Variants in ITFG1 observed in about 807,000 individuals in gnomAD.
ITFG1 encodes integrin alpha FG-GAP repeat containing 1.
In ITFG1, 34 loss-of-function variants were observed where a neutral mutation model predicts 81.8. The ratio of observed to expected loss-of-function variants is 0.42; its 90% CI spans 0.32 to 0.55. ITFG1 has a LOEUF of 0.55. ITFG1 is among the 20% of genes least tolerant of loss of function. The pLI, the probability that ITFG1 is intolerant of heterozygous loss-of-function variation, is 0.17. For missense variants in ITFG1, 672 were observed against 755.4 expected (o/e 0.89, Z 1.29); for synonymous variants, 285 against 270.6 (o/e 1.05, Z -0.52).
chr16:47,375,422 A>C (rs1043219602), intron 7 of ITFG1, among the ~76,000 whole-genome samples: 3 of 151,942 alleles, frequency 2.0e-5, no homozygotes, highest in Admixed American at 6.6e-5. Flanking sequence ...AAAAAAAAAA[A>C]CCCTATTGGG....
At chr16:47,254,366 C>G (rs976694404) in intron 12 of ITFG1, among the ~76,000 whole-genome samples, 1 of 151,986 alleles carries the variant, frequency 6.6e-6, no homozygotes, top group African/African-American at 2.4e-5. Context: ...TGAGAACTGC[C>G]TACTCTCTTT....
chr16:47,444,976 A>ACGT (rs1969304682), intron 5 of ITFG1, among the ~76,000 whole-genome samples: 1 of 152,054 alleles, frequency 6.6e-6, no homozygotes, highest in Non-Finnish European at 1.5e-5. Flanking sequence ...TCACGTAATG[A>ACGT]AATGGCAAAG....
At chr16:47,445,646 C>T (rs1419931699) in intron 5 of ITFG1, among the ~76,000 whole-genome samples, 1 of 152,198 alleles carries the variant, frequency 6.6e-6, no homozygotes, top group Non-Finnish European at 1.5e-5. Context: ...ACTAACTCCA[C>T]TTAATCTTAG....
chr16:47,184,771 C>T (rs1965187107), intron 14 of ITFG1, among the ~76,000 whole-genome samples: 1 of 151,966 alleles, frequency 6.6e-6, no homozygotes, highest in African/African-American at 2.4e-5. Flanking sequence ...CAAATTCACA[C>T]ATAACAATAT....
At chr16:47,438,595 T>C (rs1490347697) in intron 5 of ITFG1, among the ~76,000 whole-genome samples, 2 of 152,136 alleles carry the variant, frequency 1.3e-5, no homozygotes, top group Non-Finnish European at 2.9e-5. Context: ...GGACCTCTAG[T>C]AAATTCCAAC....
At position 47,387,089 on chromosome 16, in the gene ITFG1, G is replaced by A. The variant is rs540614308; in HGVS notation, c.656-11149C>T. Among the ~76,000 whole-genome samples the A allele has an allele frequency of 3.9e-5, 6 of 152,226 alleles. No homozygotes were observed. In the South Asian group the frequency reaches 1.0e-3, roughly 26 times the overall value. On this transcript the variant is annotated intron_variant, in intron 6 of 17. Transcript: ENST00000320640. ...ACCATGGAGCAATTTATGACCCAAG[G>A]TATTGTCAAAAATAGAGCAATCAGC...
chr16:47,326,646 G>A (rs986044834), intron 8 of ITFG1, among the ~76,000 whole-genome samples: 5 of 152,114 alleles, frequency 3.3e-5, no homozygotes, highest in African/African-American at 9.7e-5. Context: ...CAAAATCAAT[G>A]TGCAAAAATC....
intron 14 of ITFG1, among the ~76,000 whole-genome samples, chr16:47,194,749 G>T: frequency 6.6e-6 from 1 of 152,120 alleles, no homozygotes; most frequent in Admixed American, 6.5e-5. Flanking sequence ...CGGGATATAT[G>T]TGCAGAATGT....
At chr16:47,199,556 C>T (rs754371185) in intron 14 of ITFG1, among the ~76,000 whole-genome samples, 107 of 152,086 alleles carry the variant, frequency 7.0e-4, no homozygotes, top group Non-Finnish European at 1.3e-3. Context: ...GGATTTAGTA[C>T]AGTAACATGC....
chr16:47,360,099 G>T (rs896540037), intron 8 of ITFG1, among the ~76,000 whole-genome samples: 7 of 152,116 alleles, frequency 4.6e-5, no homozygotes, highest in Non-Finnish European at 1.5e-5. Flanking sequence ...AAACAGAAAG[G>T]CAACTAAATG....
rs1050003904 is a variant in ITFG1, at chr16:47,187,362, T to A, written c.1454-24698A>T. On this transcript the variant is annotated intron_variant, in intron 14 of 17. Coordinates refer to ENST00000320640, the MANE Select transcript of ITFG1 (RefSeq NM_030790.5). ...CATCATGCTACCTGACTTCAAACTA[T>A]ACTACAAGGCTACAGTAACCAAAAC... 2.1e-3 allele frequency among the ~76,000 whole-genome samples: 317 copies of A among 151,850 alleles called. 11 individuals carry two copies. The highest frequency in any genetic ancestry group is 0.017 in the Admixed American group (261 of 15,266).
At chr16:47,347,308 T>C (rs1484472615) in intron 8 of ITFG1, among the ~76,000 whole-genome samples, 1 of 152,238 alleles carries the variant, frequency 6.6e-6, no homozygotes, top group African/African-American at 2.4e-5. Flanking sequence ...AGCAAAGCTG[T>C]GACAGATGGC....
chr16:47,366,658 G>C (rs916415827), intron 7 of ITFG1, among the ~76,000 whole-genome samples: 5 of 152,240 alleles, frequency 3.3e-5, no homozygotes, highest in African/African-American at 1.2e-4. Context: ...GAAATTCTGA[G>C]CTCTCAGGTT....
At chr16:47,239,153 CAAGAACTGCGAGCAATAAA>C in intron 12 of ITFG1, among the ~76,000 whole-genome samples, 1 of 151,924 alleles carries the variant, frequency 6.6e-6, no homozygotes, top group Non-Finnish European at 1.5e-5. Flanking sequence ...TTCCCAGCCT[CAAGAACTGCGAGCAATAAA>C]TTTCTGTTGT....
chr16:47,410,881 G>T (rs1432965775), intron 6 of ITFG1, among the ~76,000 whole-genome samples: 2 of 152,150 alleles, frequency 1.3e-5, no homozygotes, highest in African/African-American at 2.4e-5. Flanking sequence ...ATTCCCCAAG[G>T]CTCTCCATCT....
At chr16:47,389,871 T>C (rs1018237706) in intron 6 of ITFG1, among the ~76,000 whole-genome samples, 10 of 151,722 alleles carry the variant, frequency 6.6e-5, no homozygotes, top group African/African-American at 2.2e-4. Context: ...AACGTAGGAG[T>C]AGAGGACCAA....
chr16:47,301,409 CT>C (rs1013125084), intron 10 of ITFG1, among the ~76,000 whole-genome samples: 186 of 143,974 alleles, frequency 1.3e-3, no homozygotes, highest in Non-Finnish European at 1.3e-3. Flanking sequence ...TCTTCTTCTT[CT>C]TTTTTTTTTT....
chr16:47,228,975 G>C (rs1965786633), intron 13 of ITFG1, among the ~76,000 whole-genome samples: 1 of 152,160 alleles, frequency 6.6e-6, no homozygotes, highest in Non-Finnish European at 1.5e-5. Flanking sequence ...ATTGGGGTGA[G>C]AGATGTGATG....
intron 14 of ITFG1, among the ~76,000 whole-genome samples, chr16:47,186,041 C>T (rs1262310535): frequency 6.6e-6 from 1 of 151,756 alleles, no homozygotes; most frequent in African/African-American, 2.4e-5. Flanking sequence ...ACACATACAC[C>T]CTCCCAAGAC....
Sources: allele counts gnomAD v4.1 joint callset (sites outside exome capture counted in the v4.1 genomes callset), GRCh38; gene constraint gnomAD v4.1.1; transcripts MANE v1.5; gene names NCBI Gene and HGNC (gene_info 2026-07-23, HGNC 2026-07-21).